Variants in HMGB1 observed in about 807,000 individuals in gnomAD.
HMGB1 encodes the protein high mobility group protein B1.
For synonymous variants in HMGB1, 81 were observed against 84.0 expected (o/e 0.96, Z 0.19); for missense variants, 79 against 253.5 (o/e 0.31, Z 4.67).
intron 1 of HMGB1, among the ~76,000 whole-genome samples, chr13:30,473,869 G>A (rs768414341): frequency 2.6e-5 from 4 of 152,192 alleles, no homozygotes; most frequent in Non-Finnish European, 4.4e-5. Context: ...ATCAACTGAT[G>A]AGTGGATAAA....
intron 1 of HMGB1, among the ~76,000 whole-genome samples, chr13:30,543,862 T>G (rs755969905): frequency 6.6e-6 from 1 of 152,246 alleles, no homozygotes; most frequent in Non-Finnish European, 1.5e-5. Context: ...GAACTGAAAT[T>G]AGCAGTTTTT....
At chr13:30,542,025 C>T in intron 1 of HMGB1, 1 of 153,460 alleles carries the variant, frequency 6.5e-6, no homozygotes, top group East Asian at 1.9e-4. Flanking sequence ...TCTTCCTCGT[C>T]TCTGCTCCCT....
chr13:30,567,951 T>A (rs141950231), intron 1 of HMGB1, among the ~76,000 whole-genome samples: 1 of 152,202 alleles, frequency 6.6e-6, no homozygotes, highest in African/African-American at 2.4e-5. Context: ...CAGCTAAAGA[T>A]GAAGACTCGT....
At position 30,465,915 on chromosome 13, in the gene HMGB1, A is replaced by T; in HGVS notation, c.-134T>A. On this transcript the variant is annotated 5_prime_UTR_variant, in exon 1 of 5. Coordinates refer to ENST00000341423, the MANE Select transcript of HMGB1 (RefSeq NM_002128.7). ...AGCGGGAGCCAGACGCAGCCTCCTC[A>T]CTCTCTCCGCTCTGTAACATTACTC... is the stretch of plus-strand genomic sequence containing the variant. 4 of 984,652 alleles carry T rather than the reference A, an allele frequency of 4.1e-6. No individual in the cohort carries two copies. The highest frequency in any genetic ancestry group is 4.8e-6 in the Non-Finnish European group (4 of 829,674). 61.0% of individuals were successfully genotyped at this position (984,652 alleles called of 1,614,324 possible).
chr13:30,525,685 A>G (rs755075406), intron 1 of HMGB1, among the ~76,000 whole-genome samples: 1 of 150,370 alleles, frequency 6.7e-6, no homozygotes, highest in Non-Finnish European at 1.5e-5. Flanking sequence ...ATAAGATTGC[A>G]CAGAAACAAA....
At chr13:30,510,778 C>T (rs529442872) in intron 1 of HMGB1, among the ~76,000 whole-genome samples, 1 of 152,266 alleles carries the variant, frequency 6.6e-6, no homozygotes, top group South Asian at 2.1e-4. Context: ...CACAGCATCT[C>T]GCACAATCTT....
At chr13:30,550,792 T>C (rs185946391) in intron 1 of HMGB1, among the ~76,000 whole-genome samples, 50 of 152,352 alleles carry the variant, frequency 3.3e-4, no homozygotes, top group Admixed American at 6.5e-4. Context: ...AAATGTTTCC[T>C]ACTTTGTACG....
chr13:30,575,231 A>T lies in HMGB1; in HGVS notation c.-15+41440T>A, dbSNP rs74802087. On this transcript the variant is annotated intron_variant, in intron 1 of 4. Coordinates refer to the HMGB1 transcript ENST00000405805. ...ACATACAAACCATGATGGTGGTTAA[A>T]CTTGCTTCAGTTTGTGTTTTTTAAA... Among the ~76,000 whole-genome samples the T allele has an allele frequency of 1.7e-3, 252 of 152,346 alleles. 1 individual carries two copies. The Middle Eastern group carries it at 0.024, about 14-fold the overall frequency.
At chr13:30,577,573 C>T (rs1436889275) in intron 1 of HMGB1, among the ~76,000 whole-genome samples, 1 of 152,182 alleles carries the variant, frequency 6.6e-6, no homozygotes, top group African/African-American at 2.4e-5. Flanking sequence ...AGTCCAGCCA[C>T]TCTCTCACAT....
rs1268337801 is a variant in HMGB1 at position 30,538,536 on chromosome 13, CCTTTCTTT to C, written c.-14-74850_-14-74843del. 2.2e-4 allele frequency among the ~76,000 whole-genome samples: 23 copies of C among 105,356 alleles called. 1 individual carries two copies. Among genetic ancestry groups the C allele is most frequent in the African/African-American group, 8.8e-4 (19 of 21,574 alleles). The allele number at this position is 105,356 out of a possible 152,430, so 69.1% of individuals were successfully genotyped here. A position where few individuals can be genotyped will look rare whatever the true frequency, so the allele number is the denominator to read the frequency against. On this transcript the variant is annotated intron_variant, in intron 1 of 4. Coordinates refer to the HMGB1 transcript ENST00000405805. Reference sequence around the variant, plus strand: ...CTTTCTTTCTTTCCTTTCTTTCTTTCCTTTCTTTCTTTCTTTCTTTTTCTTTCTTCTTT... The same window carrying C: ...CTTTCTTTCTTTCCTTTCTTTCTTTCCTTTCTTTCTTTTTCTTTCTTCTTT...
chr13:30,467,121 T>C (rs1045972582), upstream of HMGB1, among the ~76,000 whole-genome samples: 2 of 152,258 alleles, frequency 1.3e-5, no homozygotes, highest in African/African-American at 2.4e-5. Context: ...AGTGGCCAGT[T>C]CTGAAGACTC....
At chr13:30,520,708 T>C (rs1466881703) in intron 1 of HMGB1, among the ~76,000 whole-genome samples, 1 of 152,246 alleles carries the variant, frequency 6.6e-6, no homozygotes, top group East Asian at 1.9e-4. Context: ...CTTGTTTGAC[T>C]CAGAGTCTGC....
chr13:30,514,734 C>G (rs952977656), intron 1 of HMGB1, among the ~76,000 whole-genome samples: 2 of 152,144 alleles, frequency 1.3e-5, no homozygotes, highest in African/African-American at 2.4e-5. Flanking sequence ...AACTCCTGGG[C>G]TCAAGCCATC....
chr13:30,482,570 C>T (rs1220696129), intron 1 of HMGB1, among the ~76,000 whole-genome samples: 2 of 152,098 alleles, frequency 1.3e-5, no homozygotes, highest in African/African-American at 4.8e-5. Context: ...TAAGCTTACC[C>T]AGCTAGTGTT....
At chr13:30,529,989 T>C (rs919910326) in intron 1 of HMGB1, among the ~76,000 whole-genome samples, 1 of 152,218 alleles carries the variant, frequency 6.6e-6, no homozygotes, top group Non-Finnish European at 1.5e-5. Flanking sequence ...AGAAATGATG[T>C]CTTCAGTCTG....
At chr13:30,543,240 C>T (rs1051062551) in intron 1 of HMGB1, 2 of 152,226 alleles carry the variant, frequency 1.3e-5, no homozygotes, top group Non-Finnish European at 1.5e-5. Context: ...GATTTTCATG[C>T]CTCAGCCTCC....
intron 1 of HMGB1, among the ~76,000 whole-genome samples, chr13:30,521,193 G>T (rs1888230869): frequency 6.6e-6 from 1 of 152,130 alleles, no homozygotes; most frequent in Non-Finnish European, 1.5e-5. Context: ...TGGCCTTTGT[G>T]TTGCCCTTAT....
intron 1 of HMGB1, among the ~76,000 whole-genome samples, chr13:30,609,730 A>G (rs1399826239): frequency 1.3e-5 from 2 of 152,176 alleles, no homozygotes; most frequent in African/African-American, 2.4e-5. Flanking sequence ...GTAGTCTTTT[A>G]ACCCCCATCC....
chr13:30,566,899 CA>C (rs1038927409), intron 1 of HMGB1, among the ~76,000 whole-genome samples: 3 of 152,186 alleles, frequency 2.0e-5, no homozygotes, highest in African/African-American at 7.2e-5. Flanking sequence ...ATAAGAACCA[CA>C]AATGCGAAAA....
Sources: gnomAD v4.1 joint callset for allele counts (sites outside exome capture counted in the v4.1 genomes callset) on GRCh38, gnomAD v4.1.1 for gene constraint, MANE v1.5 for transcripts, NCBI Gene and HGNC (gene_info 2026-07-23, HGNC 2026-07-21) for gene names.